Variants in RBMS3 observed in about 807,000 individuals in gnomAD.
RBMS3 encodes RNA binding motif single stranded interacting protein 3, also known as RNA-binding motif, single-stranded-interacting protein 3.
Under a neutral mutation model 66.8 loss-of-function variants are expected in RBMS3, and 27 were observed. The observed-to-expected ratio is 0.40, with a 90% CI of 0.30 to 0.56. RBMS3 has a LOEUF of 0.56. Among genes scored for constraint, RBMS3 ranks in the 20% least tolerant of loss-of-function variants. The probability of loss-of-function intolerance (pLI) is 0.40; values close to 1 mark genes in which losing one functional copy is unlikely to be tolerated. For missense variants in RBMS3, 513 were observed against 549.5 expected (o/e 0.93, Z 0.66); for synonymous variants, 188 against 183.0 (o/e 1.03, Z -0.22).
At chr3:29,890,403 A>C (rs996838057) in intron 8 of RBMS3, among the ~76,000 whole-genome samples, 5 of 151,614 alleles carry the variant, frequency 3.3e-5, no homozygotes, top group African/African-American at 9.7e-5. Context: ...CGTCAAATAT[A>C]ACTCAGAGAT....
chr3:29,309,286 G>A (rs141207551), intron 1 of RBMS3, among the ~76,000 whole-genome samples: 1 of 151,918 alleles, frequency 6.6e-6, no homozygotes, highest in Non-Finnish European at 1.5e-5. Flanking sequence ...TTTTGGGCAT[G>A]TGAATTTGGA....
chr3:29,421,179 T>C (rs2040718887), intron 1 of RBMS3, among the ~76,000 whole-genome samples: 1 of 152,038 alleles, frequency 6.6e-6, no homozygotes, highest in Non-Finnish European at 1.5e-5. Flanking sequence ...CATCGTATTC[T>C]TCAACCAAAG....
chr3:29,666,383 G>A (rs2050758055), intron 4 of RBMS3, among the ~76,000 whole-genome samples: 1 of 152,194 alleles, frequency 6.6e-6, no homozygotes, highest in Non-Finnish European at 1.5e-5. Context: ...GCACAAAACA[G>A]TGTCTGGCAC....
chr3:29,747,232 C>G (rs915577090), intron 5 of RBMS3, among the ~76,000 whole-genome samples: 1 of 152,188 alleles, frequency 6.6e-6, no homozygotes, highest in Non-Finnish European at 1.5e-5. Flanking sequence ...CTCTGTATCT[C>G]TATGGTTATA....
intron 5 of RBMS3, among the ~76,000 whole-genome samples, chr3:29,749,646 C>T (rs2055084120): frequency 6.6e-6 from 1 of 152,144 alleles, no homozygotes; most frequent in South Asian, 2.1e-4. Flanking sequence ...GGTTCCTGGA[C>T]CTGTCAGAAA....
intron 1 of RBMS3, among the ~76,000 whole-genome samples, chr3:29,336,889 C>T (rs901793472): frequency 6.6e-6 from 1 of 152,114 alleles, no homozygotes; most frequent in Non-Finnish European, 1.5e-5. Context: ...TAAACAATTA[C>T]AAATAAAATT....
chr3:29,448,575 C>T (rs2041914790), intron 2 of RBMS3, among the ~76,000 whole-genome samples: 1 of 152,174 alleles, frequency 6.6e-6, no homozygotes, highest in Admixed American at 6.5e-5. Flanking sequence ...GTTTGAATTG[C>T]AGCGAAAAGG....
chr3:29,370,052 C>A (rs929129217), intron 1 of RBMS3, among the ~76,000 whole-genome samples: 1 of 152,164 alleles, frequency 6.6e-6, no homozygotes, highest in Non-Finnish European at 1.5e-5. Context: ...GTTTTCCTTT[C>A]GTACATTCAG....
chr3:29,455,392 C>T (rs1575862788), intron 2 of RBMS3, among the ~76,000 whole-genome samples: 1 of 152,064 alleles, frequency 6.6e-6, no homozygotes, highest in African/African-American at 2.4e-5. Flanking sequence ...GAGGTAGAGT[C>T]GATTCTTGTT....
At chr3:29,471,314 G>T (rs1304584295) in intron 2 of RBMS3, among the ~76,000 whole-genome samples, 1 of 152,132 alleles carries the variant, frequency 6.6e-6, no homozygotes, top group Non-Finnish European at 1.5e-5. Context: ...ACAGTTAAGA[G>T]AATTTCATTT....
intron 4 of RBMS3, among the ~76,000 whole-genome samples, chr3:29,725,390 G>C (rs1311392515): frequency 6.6e-6 from 1 of 152,128 alleles, no homozygotes; most frequent in East Asian, 1.9e-4. Flanking sequence ...AGGAGATAGA[G>C]ACATGAAAAA....
intron 6 of RBMS3, among the ~76,000 whole-genome samples, chr3:29,860,822 C>A (rs1171127657): frequency 6.6e-6 from 1 of 152,158 alleles, no homozygotes; most frequent in Admixed American, 6.6e-5. Flanking sequence ...ATGTACAAGT[C>A]ACCCAGAATA....
chr3:29,892,458 AG>A (rs1034579650), intron 8 of RBMS3, among the ~76,000 whole-genome samples: 1 of 151,414 alleles, frequency 6.6e-6, no homozygotes, highest in Non-Finnish European at 1.5e-5. Flanking sequence ...AGATGCCGGT[AG>A]CTCCCCCCTC....
intron 4 of RBMS3, among the ~76,000 whole-genome samples, chr3:29,685,782 T>C (rs1053800835): frequency 6.6e-6 from 1 of 152,182 alleles, no homozygotes; most frequent in Non-Finnish European, 1.5e-5. Context: ...CATCATCACT[T>C]TGGTAAGAAC....
intron 4 of RBMS3, among the ~76,000 whole-genome samples, chr3:29,587,861 A>G (rs1025255883): frequency 6.6e-6 from 1 of 152,072 alleles, no homozygotes; most frequent in Non-Finnish European, 1.5e-5. Flanking sequence ...GTATTCTAGA[A>G]CCTTCTACCT....
chr3:29,463,179 T>A (rs1377172004), intron 2 of RBMS3, among the ~76,000 whole-genome samples: 2 of 152,162 alleles, frequency 1.3e-5, no homozygotes, highest in Non-Finnish European at 2.9e-5. Flanking sequence ...TTCAGCACAA[T>A]CACATATTTG....
intron 2 of RBMS3, among the ~76,000 whole-genome samples, chr3:29,449,784 T>C (rs1305321716): frequency 6.6e-6 from 1 of 152,162 alleles, no homozygotes; most frequent in African/African-American, 2.4e-5. Context: ...ACTTCAAAAA[T>C]AGGAGTTATG....
intron 4 of RBMS3, among the ~76,000 whole-genome samples, chr3:29,660,797 A>G (rs1161417703): frequency 2.0e-5 from 3 of 152,142 alleles, no homozygotes; most frequent in Admixed American, 1.3e-4. Flanking sequence ...CAAATTTCCT[A>G]GTCTTTATTG....
At chr3:29,321,678 T>A (rs2035014434) in intron 1 of RBMS3, among the ~76,000 whole-genome samples, 1 of 152,170 alleles carries the variant, frequency 6.6e-6, no homozygotes, top group African/African-American at 2.4e-5. Context: ...GTGTTCCATA[T>A]ACTTCTTGCA....
Sources: gnomAD v4.1 joint callset for allele counts (sites outside exome capture counted in the v4.1 genomes callset) on GRCh38, gnomAD v4.1.1 for gene constraint, MANE v1.5 for transcripts, NCBI Gene and HGNC (gene_info 2026-07-23, HGNC 2026-07-21) for gene names.